GFM1: variants seen among roughly 807,000 people sequenced by gnomAD.
GFM1 encodes elongation factor G, mitochondrial.
A neutral mutation model predicts 96.2 loss-of-function variants in GFM1; 62 were observed. The ratio of observed to expected loss-of-function variants is 0.64; its 90% CI spans 0.53 to 0.80. The LOEUF (loss-of-function observed/expected upper bound fraction) is 0.80. GFM1 is among the 30% of genes least tolerant of loss of function. GFM1 has a pLI of 0.00. For missense variants in GFM1, 852 were observed against 916.6 expected (o/e 0.93, Z 0.91); for synonymous variants, 282 against 312.9 (o/e 0.90, Z 1.04).
At chr3:158,654,944 C>A (rs1466817371) in intron 8 of GFM1, among the ~76,000 whole-genome samples, 14 of 152,098 alleles carry the variant, frequency 9.2e-5, no homozygotes. Context: ...ATAGTTTAAG[C>A]ATTTTAAATA....
rs1724037852 is a variant in GFM1, at chr3:158,669,341, C to G, written c.1601+2955C>G. ...TTTGCAAAAGCCTGTAAGTTTCTAACATACTTAGCAACTAACAATTTTAAG... is the reference window on the plus strand; with the variant it reads ...TTTGCAAAAGCCTGTAAGTTTCTAAGATACTTAGCAACTAACAATTTTAAG... On this transcript the variant is annotated intron_variant, in intron 13 of 17. Coordinates refer to ENST00000486715, the MANE Select transcript of GFM1 (RefSeq NM_024996.7). 2.3e-6 allele frequency: 3 copies of G among 1,329,180 alleles called. No individual in the cohort carries two copies. The Admixed American group carries it at 7.6e-5, about 34-fold the overall frequency. 82.3% of individuals were successfully genotyped at this position (1,329,180 alleles called of 1,614,324 possible). A position where few individuals can be genotyped will look rare whatever the true frequency, so the allele number is the denominator to read the frequency against.
In GFM1 at chr3:158,691,608, C is replaced by A; in HGVS notation, c.*141C>A. 2.4e-6 allele frequency: 2 copies of A among 842,358 alleles called. No individual in the cohort carries two copies. The highest frequency in any genetic ancestry group is 2.1e-5 in the Admixed American group (1 of 46,720). 52.2% of individuals were successfully genotyped at this position (842,358 alleles called of 1,614,324 possible). A position where few individuals can be genotyped will look rare whatever the true frequency, so the allele number is the denominator to read the frequency against. ...CGGGCTCTTCTTTCTTCAAAAGAAG[C>A]CCTTCTTGTTCATATTCAGGAGCTT... On this transcript the variant is annotated 3_prime_UTR_variant, in exon 18 of 18. Coordinates refer to ENST00000486715, the MANE Select transcript of GFM1 (RefSeq NM_024996.7).
chr3:158,660,848 T>C (rs746597001), intron 9 of GFM1, 26 bp from the exon 10 acceptor site: 101 of 1,577,070 alleles, frequency 6.4e-5, no homozygotes, highest in Non-Finnish European at 8.5e-5. Flanking sequence ...CTTGCAAATA[T>C]AATTTTGTGT....
Position 158,694,421 on chromosome 3 carries a change from G to A in GFM1, c.*2954G>A, listed in dbSNP as rs1448595469. On this transcript the variant is annotated 3_prime_UTR_variant, in exon 18 of 18. Transcript: ENST00000486715. The stretch of plus-strand genomic sequence containing the variant: ...CACAGAGGGGAACAACACACACTGG[G>A]GCCTATTGGAGGATGGAGGGTGGGT... 6.6e-6 allele frequency among the ~76,000 whole-genome samples: 1 copy of A among 152,092 alleles called. No homozygotes were observed. The highest frequency in any genetic ancestry group is 1.9e-4 in the East Asian group (1 of 5,188).
chr3:158,679,788 A>G (rs994627921), intron 13 of GFM1, among the ~76,000 whole-genome samples: 52 of 152,154 alleles, frequency 3.4e-4, no homozygotes, highest in African/African-American at 1.3e-3. Flanking sequence ...CTGATAATGA[A>G]ATTTTGAGTT....
At chr3:158,667,285 A>G (rs1003790151) in intron 13 of GFM1, among the ~76,000 whole-genome samples, 2 of 152,182 alleles carry the variant, frequency 1.3e-5, no homozygotes, top group Non-Finnish European at 2.9e-5. Flanking sequence ...TAAAATCATG[A>G]TCTTATATTT....
At chr3:158,645,817 C>A (rs1226134887) in intron 2 of GFM1, 36 bp downstream of exon 2, 2 of 1,538,252 alleles carry the variant, frequency 1.3e-6, no homozygotes, top group African/African-American at 1.4e-5. Context: ...TTAATTAGAA[C>A]CAGATTTTAA....
At position 158,646,607 on chromosome 3, in the gene GFM1, A is replaced by G. The variant is rs1721824671; in HGVS notation, c.368-136A>G. ...GCCCTGCACCTAAGGGTTGGTGAAT[A>G]GTATTGGTGAGCTCAGGAATCTACA... On this transcript the variant is annotated intron_variant, in intron 3 of 17. Transcript: ENST00000486715. 1.4e-5 allele frequency: 12 copies of G among 827,992 alleles called. No individual in the cohort carries two copies. In the East Asian group the frequency reaches 3.2e-4, roughly 22 times the overall value. The allele number at this position is 827,992 out of a possible 1,614,324, so 51.3% of individuals were successfully genotyped here.
rs751421756 is a variant in GFM1, at chr3:158,645,649, A to G, written c.102A>G (p.Arg34=). 1 of 1,612,988 alleles carries G rather than the reference A, an allele frequency of 6.2e-7. No homozygotes were observed. The highest frequency in any genetic ancestry group is 1.1e-5 in the South Asian group (1 of 91,048). ...TTCAGGTTAATTGGAAGGCCTGCCG[A>G]TGGTCTTCATCAGGGGTGATTCCTA... is the stretch of plus-strand genomic sequence containing the variant. ...QRKQVNWKAC[R]WSSSGVIPNE... Residue 34 remains arginine (R), a synonymous_variant, in exon 2 of 18, where the codon CGA becomes CGG. Transcript: ENST00000486715.
Position 158,655,593 on chromosome 3 carries a change from AT to A in GFM1, c.1083+967del, listed in dbSNP as rs1722685478. ...CTTTAAAAATTATGTTGAAATGCCT[AT>A]TTTTGACATGAAAAGATGTTTATGA... On this transcript the variant is annotated intron_variant, in intron 8 of 17. Coordinates refer to ENST00000486715, the MANE Select transcript of GFM1 (RefSeq NM_024996.7). Among the ~76,000 whole-genome samples, 6 of 152,240 alleles carry A rather than the reference AT, an allele frequency of 3.9e-5. No individual in the cohort carries two copies. In the South Asian group the frequency reaches 1.2e-3, roughly 32 times the overall value.
rs369346675 is a variant in GFM1, at chr3:158,652,272, T to G, written c.840+26T>G. 14 of 1,609,278 alleles carry G rather than the reference T, an allele frequency of 8.7e-6. No individual in the cohort carries two copies. The Admixed American group carries it at 1.2e-4, about 13-fold the overall frequency. On this transcript the variant is annotated intron_variant, in intron 6 of 17. Transcript: ENST00000486715. ...GCAAGTGCTTTCAAAATAAGTCTTA[T>G]GTTAACAACAAAAAGAAGTCGTTTG... is the stretch of plus-strand genomic sequence containing the variant.
intron 13 of GFM1, among the ~76,000 whole-genome samples, chr3:158,673,801 G>A (rs949140532): frequency 6.6e-6 from 1 of 151,986 alleles, no homozygotes; most frequent in Non-Finnish European, 1.5e-5. Context: ...ACCATGCCTG[G>A]CCAGGACCTT....
intron 13 of GFM1, 131 bp downstream of exon 13, chr3:158,666,517 T>G (rs898632685): frequency 8.7e-7 from 1 of 1,147,158 alleles, no homozygotes; most frequent in African/African-American, 1.5e-5. Flanking sequence ...TCTATAAAGT[T>G]CTATACTGTA....
intron 8 of GFM1, among the ~76,000 whole-genome samples, chr3:158,658,538 G>A (rs1388998478): frequency 6.6e-6 from 1 of 152,104 alleles, no homozygotes; most frequent in East Asian, 1.9e-4. Flanking sequence ...CACACCTACT[G>A]TTTCTAATAG....
At chr3:158,647,026 CTG>C (rs1721880156) in intron 4 of GFM1, 79 bp downstream of exon 4, 1 of 1,106,400 alleles carries the variant, frequency 9.0e-7, no homozygotes, top group Non-Finnish European at 1.4e-6. Flanking sequence ...GATTAATTCA[CTG>C]TCATTAAACT....
Position 158,662,258 on chromosome 3 carries a change from A to ATTATTTTTTGTATTTTGTATT in GFM1, c.1324-368_1324-367insATTTTTTGTATTTTGTATTTT, listed in dbSNP as rs376170292. Among the ~76,000 whole-genome samples the ATTATTTTTTGTATTTTGTATT allele has an allele frequency of 1.0e-3, 157 of 152,312 alleles. 2 individuals are homozygous for ATTATTTTTTGTATTTTGTATT. The South Asian group carries it at 0.015, about 15-fold the overall frequency. ...CCTTTCTCTGTTTGCCTTATCAGTA[A>ATTATTTTTTGTATTTTGTATT]TTGTATTATATTTTGATTAAATAAA... On this transcript the variant is annotated intron_variant, in intron 10 of 17. Coordinates refer to ENST00000486715, the MANE Select transcript of GFM1 (RefSeq NM_024996.7).
In GFM1 at chr3:158,691,142, C is replaced by A; in HGVS notation, c.2074C>A (p.Pro692Thr). 1 of 1,607,632 alleles carries A rather than the reference C, an allele frequency of 6.2e-7. No individual in the cohort carries two copies. Among genetic ancestry groups the A allele is most frequent in the Non-Finnish European group, 8.5e-7 (1 of 1,174,302 alleles). Residue 692 changes from proline to threonine, a missense_variant, in exon 17 of 18, where the codon CCT becomes ACT. By Grantham distance (38) the Pro-to-Thr change is conservative (BLOSUM62 -1). Transcript: ENST00000486715. The stretch of plus-strand genomic sequence containing the variant: ...TATCTACTATGTTTGTTTTCAGGTC[C>A]CTCTAAATGATATGTTTGGTTATTC... ...EDYFTLYADV[P>T]LNDMFGYSTE...
intron 3 of GFM1, 113 bp downstream of exon 3, chr3:158,646,410 T>C: frequency 9.0e-7 from 1 of 1,106,654 alleles, no homozygotes; most frequent in Non-Finnish European, 1.4e-6. Context: ...AGTGTAACAC[T>C]GAATTCCTAT....
At chr3:158,671,227 GT>G (rs1252859477) in intron 13 of GFM1, among the ~76,000 whole-genome samples, 2 of 152,146 alleles carry the variant, frequency 1.3e-5, no homozygotes, top group African/African-American at 2.4e-5. Flanking sequence ...AAACAAAAGA[GT>G]AGGATAAAAG....
Sources: gnomAD v4.1 joint callset for allele counts (sites outside exome capture counted in the v4.1 genomes callset) on GRCh38, gnomAD v4.1.1 for gene constraint, MANE v1.5 for transcripts, NCBI Gene and HGNC (gene_info 2026-07-23, HGNC 2026-07-21) for gene names.